The following AKAIN1 variants were observed in gnomAD, a reference collection of about 807,000 sequenced individuals.
AKAIN1 encodes the protein A-kinase anchor inhibitor 1, also known as A-kinase anchor protein inhibitor 1.
Under a neutral mutation model 3.7 loss-of-function variants are expected in AKAIN1, and 3 were observed. That is an observed-to-expected ratio of 0.82 (90% CI 0.37 to 2.12). AKAIN1 has a LOEUF of 2.12. AKAIN1 is among the 30% of genes most tolerant of loss of function. AKAIN1 has a pLI of 0.06. For missense variants in AKAIN1, 82 were observed against 82.7 expected (o/e 0.99, Z 0.03); for synonymous variants, 31 against 30.8 (o/e 1.01, Z -0.02).
chr18:5,155,363 G>A (rs1473406316), intron 1 of AKAIN1, among the ~76,000 whole-genome samples: 1 of 152,176 alleles, frequency 6.6e-6, no homozygotes, highest in African/African-American at 2.4e-5. Context: ...GGAGAGGTAT[G>A]AATCTCAATT....
intron 1 of AKAIN1, among the ~76,000 whole-genome samples, chr18:5,172,989 C>A (rs1456373667): frequency 2.0e-5 from 3 of 151,936 alleles, no homozygotes; most frequent in Admixed American, 1.3e-4. Context: ...GTTTAAGTTA[C>A]AATACATGGG....
chr18:5,168,594 T>C (rs750097139), intron 1 of AKAIN1, among the ~76,000 whole-genome samples: 3 of 152,104 alleles, frequency 2.0e-5, no homozygotes. Context: ...TGAAGCCCAC[T>C]ACAAATTTTT....
chr18:5,172,124 G>T (rs538961237), intron 1 of AKAIN1, among the ~76,000 whole-genome samples: 1 of 152,218 alleles, frequency 6.6e-6, no homozygotes, highest in African/African-American at 2.4e-5. Flanking sequence ...TCACTTATTT[G>T]GGGGAGCTAA....
chr18:5,175,248 A>C (rs763413586), intron 1 of AKAIN1, among the ~76,000 whole-genome samples: 5 of 152,150 alleles, frequency 3.3e-5, no homozygotes, highest in Non-Finnish European at 7.4e-5. Context: ...GCACAGAATT[A>C]CAGTGGCTCA....
intron 1 of AKAIN1, among the ~76,000 whole-genome samples, chr18:5,165,294 G>A (rs2071161646): frequency 6.6e-6 from 1 of 151,876 alleles, no homozygotes; most frequent in Admixed American, 6.6e-5. Flanking sequence ...CTTAGCTACC[G>A]ACTCTAACCC....
intron 1 of AKAIN1, among the ~76,000 whole-genome samples, chr18:5,148,713 C>T (rs1170792244): frequency 1.3e-5 from 2 of 152,018 alleles, no homozygotes; most frequent in African/African-American, 4.8e-5. Flanking sequence ...AAAGATTAGT[C>T]TGGCGTGGTG....
intron 1 of AKAIN1, among the ~76,000 whole-genome samples, chr18:5,192,825 G>C (rs759698029): frequency 6.6e-6 from 1 of 151,958 alleles, no homozygotes; most frequent in Non-Finnish European, 1.5e-5. Context: ...GACTACAAAG[G>C]GGTAGCACAA....
rs1246732846 is a variant in AKAIN1, at chr18:5,145,397, A to G, written c.*165T>C. On this transcript the variant is annotated 3_prime_UTR_variant, in exon 2 of 2. Coordinates refer to ENST00000434239, the MANE Select transcript of AKAIN1 (RefSeq NM_001145194.2). ...AAATATGAACAGAATCGTCTAATGC[A>G]CTTTTTCAAAACAGTGCTTCTCAGC... 1.7e-6 allele frequency: 1 copy of G among 579,450 alleles called. No individual in the cohort carries two copies. The highest frequency in any genetic ancestry group is 2.8e-5 in the East Asian group (1 of 35,708). The allele number at this position is 579,450 out of a possible 1,614,324, so 35.9% of individuals were successfully genotyped here.
chr18:5,178,807 C>T (rs967930664), intron 1 of AKAIN1, among the ~76,000 whole-genome samples: 5 of 152,138 alleles, frequency 3.3e-5, no homozygotes, highest in Non-Finnish European at 7.4e-5. Flanking sequence ...CTGGGTGGTT[C>T]CCAGAGCTTT....
intron 1 of AKAIN1, among the ~76,000 whole-genome samples, chr18:5,147,466 G>A (rs2071055727): frequency 6.6e-6 from 1 of 152,006 alleles, no homozygotes; most frequent in Non-Finnish European, 1.5e-5. Flanking sequence ...TAAACAGAAT[G>A]GACATCATTT....
chr18:5,190,156 C>CT (rs2071310961), intron 1 of AKAIN1, among the ~76,000 whole-genome samples: 1 of 152,082 alleles, frequency 6.6e-6, no homozygotes. Flanking sequence ...CTCACTTCTG[C>CT]GATAACTAAT....
chr18:5,177,002 A>G (rs1025073709), intron 1 of AKAIN1, among the ~76,000 whole-genome samples: 24 of 150,944 alleles, frequency 1.6e-4, no homozygotes, highest in African/African-American at 5.4e-4. Flanking sequence ...TCGGGATGCA[A>G]TGAAATACAG....
At chr18:5,159,094 G>A (rs548978642) in intron 1 of AKAIN1, among the ~76,000 whole-genome samples, 2 of 150,624 alleles carry the variant, frequency 1.3e-5, no homozygotes, top group Non-Finnish European at 2.9e-5. Context: ...TCTTTTTACT[G>A]TGTTGGGGTT....
In AKAIN1 at chr18:5,191,884, C is replaced by A. The variant is rs543278238; in HGVS notation, c.16+5154G>T. On this transcript the variant is annotated intron_variant, in intron 1 of 1. Coordinates refer to ENST00000434239, the MANE Select transcript of AKAIN1 (RefSeq NM_001145194.2). ...CTAAATACAAAATTCATTCATATTT[C>A]ATATATATCTTATGCACATAGCCTA... is the stretch of plus-strand genomic sequence containing the variant. 7.9e-5 allele frequency among the ~76,000 whole-genome samples: 12 copies of A among 152,182 alleles called. No homozygotes were observed. The South Asian group carries it at 2.5e-3, about 32-fold the overall frequency.
chr18:5,148,325 A>T (rs745602671), intron 1 of AKAIN1, among the ~76,000 whole-genome samples: 1 of 152,230 alleles, frequency 6.6e-6, no homozygotes, highest in Non-Finnish European at 1.5e-5. Flanking sequence ...GACCTTTATT[A>T]TAATATTGCC....
At chr18:5,184,789 T>C (rs976334077) in intron 1 of AKAIN1, among the ~76,000 whole-genome samples, 1 of 152,130 alleles carries the variant, frequency 6.6e-6, no homozygotes, top group Non-Finnish European at 1.5e-5. Context: ...ACAGATTCAA[T>C]GCTACTCCTA....
rs573149327 is a variant in AKAIN1, at chr18:5,146,868, T to C, written c.17-1113A>G. On this transcript the variant is annotated intron_variant, in intron 1 of 1. Coordinates refer to ENST00000434239, the MANE Select transcript of AKAIN1 (RefSeq NM_001145194.2). ...CAGACCACAGGCCAGATTTGGCCCA[T>C]GGGCCAGTTTGTCAACCCCCAATCT... Among the ~76,000 whole-genome samples, 7 of 152,326 alleles carry C rather than the reference T, an allele frequency of 4.6e-5. No individual in the cohort carries two copies. In the East Asian group the frequency reaches 1.2e-3, roughly 25 times the overall value.
chr18:5,191,201 G>A (rs999847489), intron 1 of AKAIN1, among the ~76,000 whole-genome samples: 1 of 152,060 alleles, frequency 6.6e-6, no homozygotes, highest in Non-Finnish European at 1.5e-5. Flanking sequence ...CGTAAAATTA[G>A]AAAAGAAGAA....
intron 1 of AKAIN1, among the ~76,000 whole-genome samples, chr18:5,187,569 C>G (rs1265999484): frequency 3.9e-5 from 6 of 152,118 alleles, no homozygotes; most frequent in African/African-American, 1.4e-4. Context: ...GGAGCCCACT[C>G]CTGCAATAAC....
Sources: allele counts gnomAD v4.1 joint callset (sites outside exome capture counted in the v4.1 genomes callset), GRCh38; gene constraint gnomAD v4.1.1; transcripts MANE v1.5; gene names NCBI Gene and HGNC (gene_info 2026-07-23, HGNC 2026-07-21).